Variants in ANO2 observed in about 807,000 individuals in gnomAD.
The protein encoded by ANO2 is anoctamin-2.
In ANO2, 101 loss-of-function variants were observed where a neutral mutation model predicts 124.2. The observed-to-expected ratio is 0.81, with a 90% confidence interval of 0.69 to 0.96. The LOEUF is 0.96. Among genes scored for constraint, ANO2 ranks in the 40% least tolerant of loss-of-function variants. ANO2 has a pLI of 0.00. For synonymous variants in ANO2, 486 were observed against 482.5 expected (o/e 1.01, Z -0.09); for missense variants, 1,293 against 1,274.5 (o/e 1.01, Z -0.22).
chr12:5,830,042 G>A lies in ANO2; in HGVS notation c.840+393C>T, dbSNP rs117822138. 3.7e-3 allele frequency among the ~76,000 whole-genome samples: 564 copies of A among 152,250 alleles called. 3 individuals are homozygous for A. The highest frequency in any genetic ancestry group is 6.6e-3 in the Non-Finnish European group (451 of 68,020). ...AACAATCAGAAGGACTAGTTCTAAC[G>A]CTAACGATCCTTGTTCTGACGCTAA... is the stretch of plus-strand genomic sequence containing the variant. On this transcript the variant is annotated intron_variant, in intron 6 of 24. Transcript: ENST00000682330.
chr12:5,821,049 A>G (rs1218850983), intron 7 of ANO2, among the ~76,000 whole-genome samples: 1 of 152,188 alleles, frequency 6.6e-6, no homozygotes, highest in Non-Finnish European at 1.5e-5. Flanking sequence ...TCTTATTTGG[A>G]GAGACCTTGA....
intron 23 of ANO2, among the ~76,000 whole-genome samples, chr12:5,570,489 T>C (rs569812773): frequency 5.8e-4 from 88 of 152,024 alleles, no homozygotes; most frequent in African/African-American, 2.0e-3. Context: ...TCTTTGAAGA[T>C]TTTTTATTCC....
chr12:5,804,033 G>C (rs888909243), intron 9 of ANO2, among the ~76,000 whole-genome samples: 2 of 152,138 alleles, frequency 1.3e-5, no homozygotes, highest in Non-Finnish European at 2.9e-5. Flanking sequence ...AGGCCCCAGA[G>C]AGGCCACCCT....
At chr12:5,932,662 A>T (rs1451848491) in intron 1 of ANO2, among the ~76,000 whole-genome samples, 2 of 151,972 alleles carry the variant, frequency 1.3e-5, no homozygotes, top group Non-Finnish European at 2.9e-5. Flanking sequence ...AGTGACTAAT[A>T]AGGAAAGAAG....
chr12:5,817,696 GGA>G (rs1204031909), intron 7 of ANO2, among the ~76,000 whole-genome samples: 1 of 152,146 alleles, frequency 6.6e-6, no homozygotes. Flanking sequence ...AAGAGGAGCA[GGA>G]GAGAGAGAGG....
At chr12:5,886,729 C>A (rs1195344252) in intron 3 of ANO2, among the ~76,000 whole-genome samples, 2 of 152,092 alleles carry the variant, frequency 1.3e-5, no homozygotes, top group African/African-American at 2.4e-5. Flanking sequence ...TAATGTATTT[C>A]TTTGCATATT....
chr12:5,930,204 G>A (rs1167823635), intron 1 of ANO2, among the ~76,000 whole-genome samples: 1 of 152,116 alleles, frequency 6.6e-6, no homozygotes, highest in African/African-American at 2.4e-5. Context: ...GATTACCCAG[G>A]GTTTGATGGA....
chr12:5,662,035 C>G (rs1306775080), intron 14 of ANO2, among the ~76,000 whole-genome samples: 2 of 152,240 alleles, frequency 1.3e-5, no homozygotes, highest in Admixed American at 6.5e-5. Flanking sequence ...CCTTCTCCCC[C>G]ACCCTCAAGC....
At chr12:5,708,013 G>C (rs1186897393) in intron 14 of ANO2, among the ~76,000 whole-genome samples, 2 of 152,132 alleles carry the variant, frequency 1.3e-5, no homozygotes, top group African/African-American at 2.4e-5. Context: ...TAAACACCTG[G>C]ATTCAACACA....
intron 5 of ANO2, among the ~76,000 whole-genome samples, chr12:5,830,823 G>A (rs1236043252): frequency 1.3e-5 from 2 of 152,128 alleles, no homozygotes; most frequent in Non-Finnish European, 1.5e-5. Flanking sequence ...TTATAATTAT[G>A]AAAACTTTGT....
chr12:5,661,598 C>T (rs1947445740), intron 14 of ANO2, among the ~76,000 whole-genome samples: 1 of 152,056 alleles, frequency 6.6e-6, no homozygotes, highest in African/African-American at 2.4e-5. Flanking sequence ...ACGCTCAGGC[C>T]ATGGGGAAGA....
intron 14 of ANO2, among the ~76,000 whole-genome samples, chr12:5,662,187 T>C (rs1297750300): frequency 6.6e-6 from 1 of 152,252 alleles, no homozygotes; most frequent in African/African-American, 2.4e-5. Flanking sequence ...CCAAAGCTTG[T>C]TTTGATTTTC....
At position 5,922,629 on chromosome 12, in the gene ANO2, G is replaced by A. The variant is rs940360483; in HGVS notation, c.198C>T (p.Arg66=). 1.9e-6 allele frequency: 3 copies of A among 1,539,154 alleles called. No individual in the cohort carries two copies. The highest frequency in any genetic ancestry group is 2.4e-5 in the East Asian group (1 of 40,912). Residue 66 remains arginine, a synonymous_variant, in exon 2 of 25, where the codon CGC becomes CGT. Transcript: ENST00000682330. ...PGQPCGGEST[R]SSSVINNYLD... ...CCCGCCCAGTACTCACAGAGCTGCT[G>A]CGGGTGCTCTCTCCACCGCAGGGCT...
chr12:5,827,937 G>C, intron 6 of ANO2, 117 bp from the exon 7 acceptor site: 1 of 1,123,856 alleles, frequency 8.9e-7, no homozygotes, highest in Non-Finnish European at 1.3e-6. Context: ...TTGGAGCCAG[G>C]ACGAAGCCAA....
chr12:5,920,435 T>G (rs528563901), intron 3 of ANO2, among the ~76,000 whole-genome samples: 85 of 152,282 alleles, frequency 5.6e-4, no homozygotes, highest in African/African-American at 1.9e-3. Context: ...TTTCTTGCCT[T>G]TAATGTCTAA....
chr12:5,653,723 G>A (rs1341355578), intron 14 of ANO2, among the ~76,000 whole-genome samples: 1 of 152,200 alleles, frequency 6.6e-6, no homozygotes, highest in African/African-American at 2.4e-5. Flanking sequence ...AGCAGAAACT[G>A]AGAAAGATGA....
chr12:5,888,151 T>C (rs74428075), intron 3 of ANO2, among the ~76,000 whole-genome samples: 1 of 152,102 alleles, frequency 6.6e-6, no homozygotes, highest in South Asian at 2.1e-4. Flanking sequence ...GGTGGGTTTG[T>C]GGTCTCGCTG....
intron 14 of ANO2, among the ~76,000 whole-genome samples, chr12:5,680,684 G>C (rs1948453070): frequency 6.6e-6 from 1 of 152,188 alleles, no homozygotes; most frequent in African/African-American, 2.4e-5. Context: ...ATGAGCACCT[G>C]CCAGAAATAT....
intron 14 of ANO2, among the ~76,000 whole-genome samples, chr12:5,657,682 G>C (rs1460395084): frequency 6.6e-6 from 1 of 152,072 alleles, no homozygotes; most frequent in Non-Finnish European, 1.5e-5. Context: ...GAAGGTCTCT[G>C]GTTAATGAGC....
Sources: gnomAD v4.1 joint callset for allele counts (sites outside exome capture counted in the v4.1 genomes callset) on GRCh38, gnomAD v4.1.1 for gene constraint, MANE v1.5 for transcripts, NCBI Gene and HGNC (gene_info 2026-07-23, HGNC 2026-07-21) for gene names.